The following TMPRSS9 variants were observed in gnomAD, a reference collection of about 807,000 sequenced individuals.
The protein encoded by TMPRSS9 is transmembrane protease serine 9.
TMPRSS9 carries 113 observed loss-of-function variants against 111.4 expected under a neutral mutation model. The ratio of observed to expected loss-of-function variants is 1.01; its 90% confidence interval spans 0.87 to 1.19. TMPRSS9 has a LOEUF of 1.19. Among genes scored for constraint, TMPRSS9 ranks in the 50% most tolerant of loss-of-function variants. TMPRSS9 has a pLI of 0.00. For synonymous variants in TMPRSS9, 805 were observed against 659.1 expected (o/e 1.22, Z -3.39); for missense variants, 1,803 against 1,513.1 (o/e 1.19, Z -3.18).
intron 1 of TMPRSS9, among the ~76,000 whole-genome samples, chr19:2,381,029 GGTT>G (rs1180201270): frequency 2.6e-5 from 4 of 152,058 alleles, no homozygotes; most frequent in Non-Finnish European, 5.9e-5. Flanking sequence ...CAAAGTTTCT[GGTT>G]GTGCTTCTAG....
upstream of TMPRSS9, among the ~76,000 whole-genome samples, chr19:2,385,187 G>GA (rs1970452680): frequency 7.8e-6 from 1 of 127,930 alleles, no homozygotes; most frequent in Admixed American, 7.2e-5. Flanking sequence ...GGCGGGGCTC[G>GA]CGGGGGCGGG....
intron 8 of TMPRSS9, among the ~76,000 whole-genome samples, chr19:2,408,990 A>AAATAATAATAATAATAAT (rs71178274): frequency 7.7e-4 from 96 of 124,988 alleles, no homozygotes; most frequent in East Asian, 1.6e-3. Flanking sequence ...CTCCATCTCA[A>AAATAATAATAATAATAAT]AATAATAATA....
In TMPRSS9 at chr19:2,374,285, T is replaced by A. The variant is rs969163972; in HGVS notation, c.-26+13925T>A. 3.1e-3 allele frequency among the ~76,000 whole-genome samples: 340 copies of A among 108,516 alleles called. 2 individuals carry two copies. The highest frequency in any genetic ancestry group is 0.012 in the African/African-American group (314 of 26,712). 71.2% of individuals were successfully genotyped at this position (108,516 alleles called of 152,430 possible). A position where few individuals can be genotyped will look rare whatever the true frequency, so the allele number is the denominator to read the frequency against. On this transcript the variant is annotated intron_variant, in intron 1 of 17. Transcript: ENST00000649857. ...TTTTTTTTTTTTTTTTTTTTTTTTT[T>A]AAAGAGGTAGGGCGCGGTGGCTCAC...
At chr19:2,360,624 G>C (rs542777108) in intron 1 of TMPRSS9, among the ~76,000 whole-genome samples, 1 of 151,974 alleles carries the variant, frequency 6.6e-6, no homozygotes, top group Non-Finnish European at 1.5e-5. Flanking sequence ...CAGGTGCCGC[G>C]TGTAGATGTG....
chr19:2,400,000 G>A (rs1457321857), intron 4 of TMPRSS9, among the ~76,000 whole-genome samples: 3 of 152,178 alleles, frequency 2.0e-5, no homozygotes, highest in African/African-American at 4.8e-5. Flanking sequence ...AAAGTGCTGG[G>A]ATTATAGGTG....
At chr19:2,385,453 A>T (rs757824426), upstream of TMPRSS9, among the ~76,000 whole-genome samples, 2 of 152,092 alleles carry the variant, frequency 1.3e-5, no homozygotes, top group African/African-American at 2.4e-5. Flanking sequence ...GCCGTTGCAC[A>T]TGGCTGCCAC....
chr19:2,419,424 G>A (rs1163360168), intron 13 of TMPRSS9, among the ~76,000 whole-genome samples: 3 of 151,534 alleles, frequency 2.0e-5, no homozygotes, highest in Non-Finnish European at 4.4e-5. Context: ...GGATGGTCTC[G>A]ATCTCCTGAT....
At chr19:2,376,947 C>T (rs1009812623) in intron 1 of TMPRSS9, among the ~76,000 whole-genome samples, 3 of 152,042 alleles carry the variant, frequency 2.0e-5, no homozygotes, top group African/African-American at 7.2e-5. Flanking sequence ...GGCAGGGTCG[C>T]GCCGGGGCAG....
chr19:2,424,282 C>G, intron 15 of TMPRSS9, 25 bp downstream of exon 16: 1 of 1,333,650 alleles, frequency 7.5e-7, no homozygotes, highest in East Asian at 2.8e-5. Flanking sequence ...CTCCAAATGC[C>G]CCTACATGTC....
intron 1 of TMPRSS9, among the ~76,000 whole-genome samples, chr19:2,370,033 C>A (rs1342561840): frequency 6.6e-6 from 1 of 152,050 alleles, no homozygotes. Context: ...TATAGCGAAA[C>A]CCCTTCTCTA....
At chr19:2,404,381 G>C (rs989647337) in intron 6 of TMPRSS9, among the ~76,000 whole-genome samples, 1 of 151,788 alleles carries the variant, frequency 6.6e-6, no homozygotes, top group African/African-American at 2.4e-5. Context: ...TGACTAAAAA[G>C]CTATTTAGAA....
chr19:2,420,925 C>A (rs1971449624), intron 13 of TMPRSS9, among the ~76,000 whole-genome samples: 1 of 152,032 alleles, frequency 6.6e-6, no homozygotes, highest in Non-Finnish European at 1.5e-5. Flanking sequence ...AATGTTGAGG[C>A]CAGGCCAGGT....
At chr19:2,423,972 C>A (rs1971528432) in intron 14 of TMPRSS9, 117 bp from the exon 16 acceptor site, 1 of 1,095,328 alleles carries the variant, frequency 9.1e-7, no homozygotes, top group Non-Finnish European at 1.2e-6. Flanking sequence ...ATAGGTCCCC[C>A]ATCACAACCT....
At chr19:2,403,982 A>C (rs1295171868) in intron 6 of TMPRSS9, among the ~76,000 whole-genome samples, 3 of 134,908 alleles carry the variant, frequency 2.2e-5, no homozygotes, top group African/African-American at 8.8e-5. Context: ...ACAGAGCGAG[A>C]CTCTGTCTCA....
upstream of TMPRSS9, among the ~76,000 whole-genome samples, chr19:2,384,928 G>GTC (rs1970444508): frequency 6.7e-6 from 1 of 148,810 alleles, no homozygotes; most frequent in Non-Finnish European, 1.5e-5. Flanking sequence ...GTTGCAGTGA[G>GTC]CTGAGATCAT....
intron 1 of TMPRSS9, among the ~76,000 whole-genome samples, chr19:2,391,025 AAGAAAGAAAGGGAGGG>A (rs1173281624): frequency 7.1e-5 from 9 of 127,460 alleles, no homozygotes; most frequent in South Asian, 2.6e-4. Context: ...GAAAGAAAGA[AAGAAAGAAAGGGAGGG>A]AGGGAGGGAG....
At chr19:2,410,077 A>T (rs983675984) in intron 8 of TMPRSS9, among the ~76,000 whole-genome samples, 181 bp from the exon 10 acceptor site, 1 of 151,936 alleles carries the variant, frequency 6.6e-6, no homozygotes, top group South Asian at 2.1e-4. Flanking sequence ...CCAGGCAGAG[A>T]GTGTTACCAG....
At position 2,422,022 on chromosome 19, in the gene TMPRSS9, C is replaced by T. The variant is rs1338607434; in HGVS notation, c.2323C>T (p.Pro775Ser). ...GGAGATCATGTCCTCCCAGCCCCTT[C>T]CCATGTCTCCCCCCTCGACCACAAG... Residue 775 changes from proline (P) to serine (S), a missense_variant, in exon 14 of 18, where the codon CCC becomes TCC. Pro to Ser is a moderately conservative substitution (Grantham distance 74, BLOSUM62 -1). Transcript: ENST00000648592. 1 of 1,612,846 alleles carries T rather than the reference C, an allele frequency of 6.2e-7. No homozygotes were observed. The highest frequency in any genetic ancestry group is 8.5e-7 in the Non-Finnish European group (1 of 1,179,864).
intron 1 of TMPRSS9, among the ~76,000 whole-genome samples, chr19:2,363,823 T>TGAGA (rs796275292): frequency 1.2e-3 from 129 of 107,062 alleles, no homozygotes; most frequent in African/African-American, 4.1e-3. Context: ...CGTGTGTGTG[T>TGAGA]GAGAGAGAGA....
Sources: gnomAD v4.1 joint callset for allele counts (sites outside exome capture counted in the v4.1 genomes callset) on GRCh38, gnomAD v4.1.1 for gene constraint, MANE v1.5 for transcripts, NCBI Gene and HGNC (gene_info 2026-07-23, HGNC 2026-07-21) for gene names.